The following DLG2 variants were observed in gnomAD, a reference collection of about 807,000 sequenced individuals.
DLG2 encodes discs large MAGUK scaffold protein 2.
DLG2 carries 45 observed loss-of-function variants against 132.5 expected under a neutral mutation model. The ratio of observed to expected loss-of-function variants is 0.34; its 90% CI spans 0.27 to 0.44. The LOEUF (loss-of-function observed/expected upper bound fraction) is 0.44. Among genes scored for constraint, DLG2 ranks in the 20% least tolerant of loss-of-function variants. The pLI is 1.00. For synonymous variants in DLG2, 424 were observed against 419.6 expected (o/e 1.01, Z -0.13); for missense variants, 1,045 against 1,196.9 (o/e 0.87, Z 1.87).
At chr11:84,028,235 G>A (rs1209351337) in intron 11 of DLG2, among the ~76,000 whole-genome samples, 2 of 151,918 alleles carry the variant, frequency 1.3e-5, no homozygotes, top group African/African-American at 2.4e-5. Context: ...ATAGAGAGTC[G>A]AACAAATATA....
chr11:84,504,411 A>G (rs991894259), intron 7 of DLG2, among the ~76,000 whole-genome samples: 8 of 152,328 alleles, frequency 5.3e-5, no homozygotes, highest in Non-Finnish European at 8.8e-5. Flanking sequence ...CTAATTCTCA[A>G]TTATTAATGG....
intron 6 of DLG2, among the ~76,000 whole-genome samples, chr11:84,535,458 C>G (rs1180031076): frequency 6.6e-6 from 1 of 152,142 alleles, no homozygotes; most frequent in Non-Finnish European, 1.5e-5. Context: ...CTCTCTTGTT[C>G]CCTTTTCCTC....
intron 18 of DLG2, among the ~76,000 whole-genome samples, chr11:83,639,616 G>A (rs1206061855): frequency 2.0e-5 from 3 of 151,504 alleles, no homozygotes; most frequent in African/African-American, 7.3e-5. Flanking sequence ...GTGGGGTGGG[G>A]GGATGGGGGA....
chr11:84,912,232 T>G (rs2092132499), intron 6 of DLG2, among the ~76,000 whole-genome samples: 3 of 152,212 alleles, frequency 2.0e-5, no homozygotes, highest in Non-Finnish European at 1.5e-5. Flanking sequence ...CTCGGCTCAC[T>G]GCAAGCGCCA....
chr11:84,267,363 GA>G (rs1432506600), intron 7 of DLG2, among the ~76,000 whole-genome samples: 3 of 152,200 alleles, frequency 2.0e-5, no homozygotes, highest in African/African-American at 4.8e-5. Flanking sequence ...TGTGGAAGGG[GA>G]TAGGAGTTAA....
intron 6 of DLG2, among the ~76,000 whole-genome samples, chr11:85,100,480 G>A (rs1404542794): frequency 6.6e-6 from 1 of 152,088 alleles, no homozygotes; most frequent in East Asian, 1.9e-4. Context: ...TTTTAACAAG[G>A]TCTGCTTGAC....
At chr11:83,493,454 T>C (rs2093985614) in intron 21 of DLG2, among the ~76,000 whole-genome samples, 1 of 151,862 alleles carries the variant, frequency 6.6e-6, no homozygotes, top group African/African-American at 2.4e-5. Flanking sequence ...ATTTTCTGTT[T>C]TCCCCATGGA....
chr11:85,388,230 A>T lies in DLG2; in HGVS notation c.41-102865T>A, dbSNP rs530603884. On this transcript the variant is annotated intron_variant, in intron 3 of 27. Transcript: ENST00000376104. ...CCCGTGTGACCCAGCAGAGACAGCC[A>T]TAAGTCCCCTGAGAACATAATTCCA... Among the ~76,000 whole-genome samples the T allele has an allele frequency of 2.0e-5, 3 of 152,234 alleles. No homozygotes were observed. The East Asian group carries it at 5.8e-4, about 29-fold the overall frequency.
At chr11:84,179,560 C>T (rs764148806) in intron 8 of DLG2, among the ~76,000 whole-genome samples, 1 of 152,074 alleles carries the variant, frequency 6.6e-6, no homozygotes, top group East Asian at 1.9e-4. Flanking sequence ...GGCCGCCACG[C>T]TTTTGTGAGT....
chr11:85,278,408 C>T (rs1309206562), intron 4 of DLG2, among the ~76,000 whole-genome samples: 1 of 152,104 alleles, frequency 6.6e-6, no homozygotes, highest in Non-Finnish European at 1.5e-5. Context: ...TTGAGACCAG[C>T]CTAACCAACA....
intron 18 of DLG2, among the ~76,000 whole-genome samples, chr11:83,739,129 GC>G (rs1221672930): frequency 6.6e-6 from 1 of 151,988 alleles, no homozygotes; most frequent in African/African-American, 2.4e-5. Flanking sequence ...GCTTCACTGT[GC>G]CCCCATTTGA....
Position 83,850,160 on chromosome 11 carries a change from G to GTGTTTT in DLG2, c.1566-16391_1566-16390insAAAACA, listed in dbSNP as rs1452960432. 3.6e-4 allele frequency among the ~76,000 whole-genome samples: 45 copies of GTGTTTT among 124,300 alleles called. 1 individual carries two copies. The highest frequency in any genetic ancestry group is 1.1e-3 in the African/African-American group (31 of 27,636). The allele number at this position is 124,300 out of a possible 152,430, so 81.5% of individuals were successfully genotyped here. A position where few individuals can be genotyped will look rare whatever the true frequency, so the allele number is the denominator to read the frequency against. On this transcript the variant is annotated intron_variant, in intron 16 of 27. Coordinates refer to ENST00000376104, the MANE Select transcript of DLG2 (RefSeq NM_001142699.3). ...TGTGTGTGTGTGTGTGTGTGTGTGT[G>GTGTTTT]TTTTTTTACTTGAGACGGAGTCTCA...
At chr11:84,480,776 G>T (rs2099135070) in intron 7 of DLG2, among the ~76,000 whole-genome samples, 1 of 140,284 alleles carries the variant, frequency 7.1e-6, no homozygotes, top group Admixed American at 7.2e-5. Flanking sequence ...TTTTTTTTGA[G>T]ATGGGGTCTC....
chr11:83,647,072 T>C (rs998843235), intron 18 of DLG2: 4 of 152,104 alleles, frequency 2.6e-5, no homozygotes, highest in Non-Finnish European at 5.9e-5. Flanking sequence ...AAAATGCTGA[T>C]TGGAAGCTCT....
chr11:83,937,337 C>A (rs1183689439), intron 14 of DLG2, among the ~76,000 whole-genome samples: 1 of 151,646 alleles, frequency 6.6e-6, no homozygotes, highest in East Asian at 1.9e-4. Flanking sequence ...GAAACCCAGT[C>A]TCTACTAAAA....
chr11:84,479,508 A>C (rs1490578151), intron 7 of DLG2, among the ~76,000 whole-genome samples: 3 of 152,114 alleles, frequency 2.0e-5, no homozygotes, highest in Admixed American at 6.6e-5. Context: ...AGGCCTAAAA[A>C]TAAAACTTTA....
At chr11:84,416,199 CA>C (rs146696729) in intron 7 of DLG2, among the ~76,000 whole-genome samples, 20,899 of 151,882 alleles carry the variant, frequency 0.14, 2,980 homozygotes, top group African/African-American at 0.36. Context: ...CAAGATCTGT[CA>C]AAAATAAAGT....
intron 7 of DLG2, among the ~76,000 whole-genome samples, chr11:84,384,032 A>T (rs1365957051): frequency 1.3e-5 from 2 of 150,558 alleles, no homozygotes; most frequent in Non-Finnish European, 3.0e-5. Flanking sequence ...ACAGATAAAA[A>T]ATTTCAAGAG....
chr11:84,913,054 T>C (rs1270781401), intron 6 of DLG2, among the ~76,000 whole-genome samples: 1 of 152,092 alleles, frequency 6.6e-6, no homozygotes, highest in Non-Finnish European at 1.5e-5. Flanking sequence ...AGAGACAAAG[T>C]CGAAGAAATT....
Sources: allele counts gnomAD v4.1 joint callset (sites outside exome capture counted in the v4.1 genomes callset), GRCh38; gene constraint gnomAD v4.1.1; transcripts MANE v1.5; gene names NCBI Gene and HGNC (gene_info 2026-07-23, HGNC 2026-07-21).